The following ATP8B4 variants were observed in gnomAD, a reference collection of about 807,000 sequenced individuals.
ATP8B4 encodes the protein ATPase phospholipid transporting 8B4 (putative).
In ATP8B4, 133 loss-of-function variants were observed where a neutral mutation model predicts 145.6. That is an observed-to-expected ratio of 0.91 (90% confidence interval 0.79 to 1.05). The LOEUF (loss-of-function observed/expected upper bound fraction) is 1.05. Ranked by LOEUF, ATP8B4 falls within the 50% of genes least tolerant of loss-of-function variation. The pLI is 0.00. For missense variants in ATP8B4, 1,458 were observed against 1,425.2 expected, an observed-to-expected ratio of 1.02 and a Z score of -0.37; for synonymous variants, 507 against 492.9, an observed-to-expected ratio of 1.03 and a Z score of -0.38.
chr15:50,174,616 C>T (rs1049931532), intron 1 of ATP8B4, among the ~76,000 whole-genome samples: 57 of 147,174 alleles, frequency 3.9e-4, no homozygotes, highest in Admixed American at 2.6e-3. Context: ...TACAAGGAAA[C>T]TACAACACAC....
intron 14 of ATP8B4, among the ~76,000 whole-genome samples, chr15:49,958,700 T>C (rs1056673366): frequency 1.3e-5 from 2 of 151,916 alleles, no homozygotes; most frequent in African/African-American, 4.8e-5. Context: ...TTATGAGAGC[T>C]TGCAAATAAA....
chr15:49,962,322 T>C (rs985898791), intron 13 of ATP8B4, among the ~76,000 whole-genome samples: 2 of 152,194 alleles, frequency 1.3e-5, no homozygotes, highest in Non-Finnish European at 2.9e-5. Context: ...TCTATGATAT[T>C]TGCAAGAGGC....
intron 23 of ATP8B4, among the ~76,000 whole-genome samples, chr15:49,889,024 T>A (rs1249696241): frequency 6.6e-6 from 1 of 152,142 alleles, no homozygotes; most frequent in African/African-American, 2.4e-5. Context: ...ATAGTCATAT[T>A]GAACTGAGTG....
intron 2 of ATP8B4, among the ~76,000 whole-genome samples, chr15:50,095,613 C>T (rs1352933516): frequency 2.6e-5 from 4 of 151,844 alleles, no homozygotes; most frequent in Non-Finnish European, 5.9e-5. Flanking sequence ...AAAAACTAGC[C>T]AGGTGTGGTG....
At chr15:50,021,041 T>C (rs1163144522) in intron 6 of ATP8B4, among the ~76,000 whole-genome samples, 3 of 152,156 alleles carry the variant, frequency 2.0e-5, no homozygotes, top group Admixed American at 6.5e-5. Flanking sequence ...AGCTATGTAA[T>C]ACATAGAAAA....
intron 2 of ATP8B4, among the ~76,000 whole-genome samples, chr15:50,106,520 C>A (rs942719439): frequency 6.6e-6 from 1 of 152,152 alleles, no homozygotes; most frequent in African/African-American, 2.4e-5. Flanking sequence ...TGGAACACTG[C>A]TTTGAAATTT....
chr15:50,059,266 C>T (rs760568098), intron 3 of ATP8B4, among the ~76,000 whole-genome samples: 3 of 152,084 alleles, frequency 2.0e-5, no homozygotes, highest in East Asian at 1.9e-4. Context: ...AAGAGCTGCA[C>T]GGTGAGAAGA....
chr15:50,102,187 G>C (rs1233889435), intron 2 of ATP8B4, among the ~76,000 whole-genome samples: 1 of 151,824 alleles, frequency 6.6e-6, no homozygotes, highest in Admixed American at 6.6e-5. Context: ...CAAGGAACTA[G>C]AGAAACAAGA....
At chr15:49,875,098 C>G (rs71394987) in intron 25 of ATP8B4, among the ~76,000 whole-genome samples, 71,024 of 152,082 alleles carry the variant, frequency 0.47, 16,658 homozygotes, top group East Asian at 0.54. Flanking sequence ...ACACATCTAT[C>G]CATGTACACA....
At chr15:50,007,307 G>A (rs1041281362) in intron 7 of ATP8B4, among the ~76,000 whole-genome samples, 1 of 152,154 alleles carries the variant, frequency 6.6e-6, no homozygotes, top group Non-Finnish European at 1.5e-5. Flanking sequence ...CAGCATCCAA[G>A]CCAAGAGCCC....
At chr15:49,861,492 A>C (rs147693271) in intron 27 of ATP8B4, among the ~76,000 whole-genome samples, 1,625 of 150,524 alleles carry the variant, frequency 0.011, 22 homozygotes, top group Non-Finnish European at 0.017. Flanking sequence ...CTACCTACCT[A>C]CCTACCTACC....
intron 23 of ATP8B4, among the ~76,000 whole-genome samples, chr15:49,889,344 T>G (rs1187064042): frequency 6.6e-6 from 1 of 152,120 alleles, no homozygotes; most frequent in Non-Finnish European, 1.5e-5. Flanking sequence ...AGATTCTAGG[T>G]TCAACAAGAT....
intron 14 of ATP8B4, among the ~76,000 whole-genome samples, chr15:49,944,077 AG>A (rs748049939): frequency 3.3e-5 from 5 of 152,192 alleles, no homozygotes; most frequent in African/African-American, 4.8e-5. Flanking sequence ...CTTACATAAA[AG>A]AAAAACAGAA....
At chr15:50,035,771 A>C (rs1348896325) in intron 6 of ATP8B4, among the ~76,000 whole-genome samples, 1 of 152,188 alleles carries the variant, frequency 6.6e-6, no homozygotes, top group Non-Finnish European at 1.5e-5. Flanking sequence ...CCTGACTGCT[A>C]CTTTTCATCC....
intron 1 of ATP8B4, among the ~76,000 whole-genome samples, chr15:50,165,416 G>C (rs1216404559): frequency 6.6e-6 from 1 of 151,996 alleles, no homozygotes; most frequent in Non-Finnish European, 1.5e-5. Flanking sequence ...TGGTTTTTTT[G>C]TTTTTCTTAT....
chr15:49,882,150 C>G (rs1271465921), intron 23 of ATP8B4, among the ~76,000 whole-genome samples: 1 of 152,172 alleles, frequency 6.6e-6, no homozygotes, highest in Admixed American at 6.5e-5. Flanking sequence ...CTTCTCCCTT[C>G]AGCCCAGGAA....
intron 13 of ATP8B4, among the ~76,000 whole-genome samples, chr15:49,969,825 A>G (rs981798623): frequency 2.0e-5 from 3 of 152,218 alleles, no homozygotes; most frequent in African/African-American, 7.2e-5. Flanking sequence ...ACAAAAAAAG[A>G]AAATTTCAGA....
chr15:50,156,056 TAATA>T (rs1275840712), intron 1 of ATP8B4, among the ~76,000 whole-genome samples: 2 of 86,038 alleles, frequency 2.3e-5, no homozygotes, highest in Admixed American at 2.6e-4. Context: ...GAATTCTTGG[TAATA>T]AATAAATAAA....
At chr15:49,943,840 T>C (rs1194367502) in intron 14 of ATP8B4, among the ~76,000 whole-genome samples, 3 of 152,204 alleles carry the variant, frequency 2.0e-5, no homozygotes, top group Non-Finnish European at 4.4e-5. Context: ...ACTGTAATGG[T>C]GGTAGTTAAA....
Sources: gnomAD v4.1 joint callset for allele counts (sites outside exome capture counted in the v4.1 genomes callset) on GRCh38, gnomAD v4.1.1 for gene constraint, MANE v1.5 for transcripts, NCBI Gene and HGNC (gene_info 2026-07-23, HGNC 2026-07-21) for gene names.